Variants in RSF1 observed in about 807,000 individuals in gnomAD.
RSF1 encodes the protein remodeling and spacing factor 1, also known as HBV pX-associated protein 8.
In RSF1, 13 loss-of-function variants were observed where a neutral mutation model predicts 145.2. The ratio of observed to expected loss-of-function variants is 0.09; its 90% CI spans 0.06 to 0.14. The LOEUF (loss-of-function observed/expected upper bound fraction) is 0.14. Ranked by LOEUF, RSF1 falls within the 10% of genes least tolerant of loss-of-function variation. The probability of loss-of-function intolerance (pLI) is 1.00; values close to 1 mark genes in which losing one functional copy is unlikely to be tolerated. For missense variants in RSF1, 1,517 were observed against 1,718.2 expected, an observed-to-expected ratio of 0.88 and a Z score of 2.07; for synonymous variants, 577 against 592.6, an observed-to-expected ratio of 0.97 and a Z score of 0.38.
intron 12 of RSF1, among the ~76,000 whole-genome samples, 160 bp downstream of exon 12, chr11:77,677,926 T>A (rs1959753161): frequency 2.0e-5 from 3 of 152,202 alleles, no homozygotes; most frequent in African/African-American, 7.2e-5. Flanking sequence ...ACTGACATTG[T>A]ATCCACAAAT....
chr11:77,698,440 C>T (rs1960335630), intron 7 of RSF1, 47 bp downstream of exon 7: 2 of 1,546,556 alleles, frequency 1.3e-6, no homozygotes, highest in Non-Finnish European at 8.9e-7. Flanking sequence ...CAGGCAACCT[C>T]ACCATGTCTG....
intron 1 of RSF1, among the ~76,000 whole-genome samples, chr11:77,773,193 T>TA (rs1565176012): frequency 1.3e-5 from 2 of 152,346 alleles, no homozygotes; most frequent in South Asian, 2.1e-4. Flanking sequence ...CTCATCCACT[T>TA]AAAGTGTACC....
intron 5 of RSF1, among the ~76,000 whole-genome samples, chr11:77,713,387 A>T (rs1960731561): frequency 6.6e-6 from 1 of 151,782 alleles, no homozygotes; most frequent in African/African-American, 2.4e-5. Flanking sequence ...TTCTTCTGGA[A>T]TAAAGCACTG....
At chr11:77,712,527 C>G (rs1960712266) in intron 5 of RSF1, among the ~76,000 whole-genome samples, 2 of 152,132 alleles carry the variant, frequency 1.3e-5, no homozygotes, top group African/African-American at 4.8e-5. Context: ...GTAAAATTAC[C>G]ATTTTCACCT....
At chr11:77,734,675 G>A in intron 4 of RSF1, 2 of 1,398,714 alleles carry the variant, frequency 1.4e-6, no homozygotes, top group South Asian at 2.3e-5. Context: ...AATTTGTGCA[G>A]TTCCAGTAGT....
chr11:77,846,126 G>A, the RSF1 span, among the ~76,000 whole-genome samples: 1 of 151,852 alleles, frequency 6.6e-6, no homozygotes, highest in Non-Finnish European at 1.5e-5. Context: ...GTTCCTATGT[G>A]GTTCTATAAA....
chr11:77,703,955 T>A (rs1010056913), intron 5 of RSF1, among the ~76,000 whole-genome samples: 5 of 152,242 alleles, frequency 3.3e-5, no homozygotes, highest in African/African-American at 1.2e-4. Flanking sequence ...TTTAACTAAA[T>A]GAACACCTTG....
intron 1 of RSF1, among the ~76,000 whole-genome samples, chr11:77,781,778 GA>G (rs1436298181): frequency 1.3e-5 from 2 of 152,182 alleles, no homozygotes; most frequent in Non-Finnish European, 2.9e-5. Flanking sequence ...GGGAAGTGTT[GA>G]AATTTCCAGT....
At chr11:77,675,289 T>C (rs771759268) in intron 13 of RSF1, 33 bp from the exon 14 acceptor site, 8 of 1,555,396 alleles carry the variant, frequency 5.1e-6, no homozygotes, top group Non-Finnish European at 7.0e-6. Context: ...AATACAATGG[T>C]ATTTAGAAGA....
chr11:77,806,253 C>T (rs571310827), intron 1 of RSF1, among the ~76,000 whole-genome samples: 30 of 150,910 alleles, frequency 2.0e-4, no homozygotes, highest in East Asian at 9.7e-4. Flanking sequence ...ATAACAGAAA[C>T]GGAATAATGA....
intron 3 of RSF1, among the ~76,000 whole-genome samples, chr11:77,745,952 T>G (rs1304871354): frequency 1.3e-5 from 2 of 152,108 alleles, no homozygotes; most frequent in Admixed American, 6.6e-5. Flanking sequence ...TCCACTTTCT[T>G]ATGTATTTAC....
At chr11:77,679,698 G>T (rs551272091) in intron 11 of RSF1, among the ~76,000 whole-genome samples, 1 of 150,264 alleles carries the variant, frequency 6.7e-6, no homozygotes, top group Admixed American at 6.6e-5. Context: ...AAAAGAAAAA[G>T]AGTCCCAATA....
the RSF1 span, among the ~76,000 whole-genome samples, chr11:77,845,609 T>C: frequency 1.2e-4 from 19 of 152,208 alleles, no homozygotes; most frequent in East Asian, 3.5e-3. Context: ...TTTGTATTTT[T>C]AGTAGAGACA....
intron 11 of RSF1, among the ~76,000 whole-genome samples, chr11:77,678,645 C>T (rs1590825131): frequency 6.6e-6 from 1 of 152,246 alleles, no homozygotes; most frequent in East Asian, 1.9e-4. Context: ...TTTGGCAGAG[C>T]CCTCATGTAT....
intron 2 of RSF1, among the ~76,000 whole-genome samples, chr11:77,749,046 C>G (rs1306899902): frequency 1.3e-5 from 2 of 152,002 alleles, no homozygotes; most frequent in Non-Finnish European, 2.9e-5. Context: ...GTGAAAGAAA[C>G]CAGACACAAA....
the RSF1 span, among the ~76,000 whole-genome samples, chr11:77,854,710 T>C: frequency 6.6e-6 from 1 of 152,132 alleles, no homozygotes; most frequent in African/African-American, 2.4e-5. Context: ...TCCAGGTGCA[T>C]GGTGCAAGCC....
intron 7 of RSF1, among the ~76,000 whole-genome samples, chr11:77,696,473 T>C (rs979881384): frequency 6.6e-6 from 1 of 152,232 alleles, no homozygotes; most frequent in Non-Finnish European, 1.5e-5. Context: ...TTGAGGATTA[T>C]CCTTAAGCAC....
At chr11:77,860,463 T>G in the RSF1 span, among the ~76,000 whole-genome samples, 1 of 152,224 alleles carries the variant, frequency 6.6e-6, no homozygotes, top group Non-Finnish European at 1.5e-5. Context: ...TAGCCTGCTG[T>G]GAGCAGAGCT....
the RSF1 span, among the ~76,000 whole-genome samples, chr11:77,843,070 T>C: frequency 6.6e-6 from 1 of 152,214 alleles, no homozygotes; most frequent in East Asian, 1.9e-4. Flanking sequence ...TTATATAGTG[T>C]TTAACCTTTT....
Sources: gnomAD v4.1 joint callset for allele counts (sites outside exome capture counted in the v4.1 genomes callset) on GRCh38, gnomAD v4.1.1 for gene constraint, MANE v1.5 for transcripts, NCBI Gene and HGNC (gene_info 2026-07-23, HGNC 2026-07-21) for gene names.